ZNF804A: variants seen among roughly 807,000 people sequenced by gnomAD.
ZNF804A encodes zinc finger protein 804A.
ZNF804A carries 2 observed loss-of-function variants against 16.5 expected under a neutral mutation model. The ratio of observed to expected loss-of-function variants is 0.12; its 90% CI spans 0.05 to 0.38. The LOEUF is 0.38. Among genes scored for constraint, ZNF804A ranks in the 10% least tolerant of loss-of-function variants. The probability of loss-of-function intolerance (pLI) is 0.99; values close to 1 mark genes in which losing one functional copy is unlikely to be tolerated. For missense variants in ZNF804A, 1,473 were observed against 1,390.7 expected (o/e 1.06, Z -0.94); for synonymous variants, 534 against 489.6 (o/e 1.09, Z -1.20).
At chr2:184,931,074 G>A (rs979318479) in intron 2 of ZNF804A, among the ~76,000 whole-genome samples, 4 of 152,184 alleles carry the variant, frequency 2.6e-5, no homozygotes, top group Non-Finnish European at 4.4e-5. Flanking sequence ...TGGATCTCAT[G>A]AGACTTGTTC....
Position 184,703,487 on chromosome 2 carries a change from G to A in ZNF804A, c.111+104417G>A, listed in dbSNP as rs557199377. Reference sequence around the variant, plus strand: ...GGAGGCCGAGGCGGGCAGATCATGAGATCAGGAGATCGAGACCACGGTGAA... The same window carrying A: ...GGAGGCCGAGGCGGGCAGATCATGAAATCAGGAGATCGAGACCACGGTGAA... On this transcript the variant is annotated intron_variant, in intron 1 of 3. Coordinates refer to ENST00000302277, the MANE Select transcript of ZNF804A (RefSeq NM_194250.2). 2.6e-5 allele frequency among the ~76,000 whole-genome samples: 4 copies of A among 152,026 alleles called. No homozygotes were observed. The South Asian group carries it at 6.2e-4, about 24-fold the overall frequency.
At chr2:184,711,407 T>A (rs1196930650) in intron 1 of ZNF804A, among the ~76,000 whole-genome samples, 1 of 151,740 alleles carries the variant, frequency 6.6e-6, no homozygotes, top group Non-Finnish European at 1.5e-5. Flanking sequence ...TAGATATTGA[T>A]CCTTTTTCAG....
rs1181830071 is a variant in ZNF804A at position 184,767,776 on chromosome 2, A to C, written c.112-98593A>C. 2.6e-5 allele frequency among the ~76,000 whole-genome samples: 4 copies of C among 152,248 alleles called. No homozygotes were observed. The East Asian group carries it at 7.7e-4, about 29-fold the overall frequency. ...GGTAAAAATGTAAGGAATTACAAGG[A>C]GTCTACCTTCTTAAAAAGTTCAAAG... On this transcript the variant is annotated intron_variant, in intron 1 of 3. Transcript: ENST00000302277.
At chr2:184,816,951 G>A (rs1195698802) in intron 1 of ZNF804A, among the ~76,000 whole-genome samples, 2 of 151,956 alleles carry the variant, frequency 1.3e-5, no homozygotes, top group Non-Finnish European at 2.9e-5. Flanking sequence ...GATTAAGGGT[G>A]TTGAAATATA....
chr2:184,905,359 G>T (rs1318244598), intron 2 of ZNF804A, among the ~76,000 whole-genome samples: 1 of 151,656 alleles, frequency 6.6e-6, no homozygotes, highest in East Asian at 1.9e-4. Context: ...TTTTACAGTG[G>T]TCCTTCCTGA....
chr2:184,663,872 CA>C (rs1391822630), intron 1 of ZNF804A, among the ~76,000 whole-genome samples: 1 of 152,120 alleles, frequency 6.6e-6, no homozygotes, highest in African/African-American at 2.4e-5. Flanking sequence ...TCCTTCATAG[CA>C]CAAAGCTTAA....
chr2:184,776,295 A>G (rs1229604204), intron 1 of ZNF804A, among the ~76,000 whole-genome samples: 1 of 151,580 alleles, frequency 6.6e-6, no homozygotes, highest in Admixed American at 6.6e-5. Context: ...GCATTGAAAA[A>G]AATGCTGGAA....
rs138397124 is a variant in ZNF804A at position 184,902,296 on chromosome 2, T to C, written c.256-31307T>C. The C allele has an allele frequency of 2.1e-3, 335 of 156,960 alleles. 1 individual carries two copies. Among genetic ancestry groups the C allele is most frequent in the Non-Finnish European group, 3.7e-3 (265 of 71,010 alleles). The allele number at this position is 156,960 out of a possible 1,614,324, so 9.7% of individuals were successfully genotyped here. On this transcript the variant is annotated intron_variant, in intron 2 of 3. Coordinates refer to ENST00000302277, the MANE Select transcript of ZNF804A (RefSeq NM_194250.2). ...ACATCCTCAATGAGCACAACTGTGTTGTTAGCTTCGCTCTTCATGGCAGAA... is the reference window on the plus strand; with the variant it reads ...ACATCCTCAATGAGCACAACTGTGTCGTTAGCTTCGCTCTTCATGGCAGAA...
chr2:184,866,720 T>C (rs1328899743), intron 2 of ZNF804A, among the ~76,000 whole-genome samples: 1 of 151,242 alleles, frequency 6.6e-6, no homozygotes, highest in African/African-American at 2.4e-5. Flanking sequence ...TAGCAAAGTC[T>C]GAAATAATCA....
intron 1 of ZNF804A, among the ~76,000 whole-genome samples, chr2:184,676,367 A>G (rs2105715885): frequency 6.6e-6 from 1 of 151,716 alleles, no homozygotes; most frequent in East Asian, 1.9e-4. Context: ...CATTAATCAC[A>G]CACACTCACA....
In ZNF804A at chr2:184,936,783, G is replaced by C; in HGVS notation, c.1387G>C (p.Asp463His). 6.2e-7 allele frequency: 1 copy of C among 1,613,636 alleles called. No individual in the cohort carries two copies. Among genetic ancestry groups the C allele is most frequent in the Non-Finnish European group, 8.5e-7 (1 of 1,179,844 alleles). ...ISYSCNPLCF[D>H]FKSTKVNNNL... ...CTATAGCTGTAATCCTCTATGTTTT[G>C]ACTTCAAGTCTACTAAAGTAAATAA... Residue 463 changes from aspartate (D) to histidine (H), a missense_variant, in exon 4 of 4, where the codon GAC (aspartate) becomes CAC (histidine). By Grantham distance (81) the Asp-to-His change is moderately conservative. Coordinates refer to ENST00000302277, the MANE Select transcript of ZNF804A (RefSeq NM_194250.2).
chr2:184,746,955 T>C (rs2105755948), intron 1 of ZNF804A, among the ~76,000 whole-genome samples: 1 of 151,534 alleles, frequency 6.6e-6, no homozygotes, highest in Middle Eastern at 3.4e-3. Context: ...TTTCAGTTCA[T>C]TTCAGACAAT....
chr2:184,879,545 C>G (rs1306124011), intron 2 of ZNF804A, among the ~76,000 whole-genome samples: 1 of 151,848 alleles, frequency 6.6e-6, no homozygotes, highest in Non-Finnish European at 1.5e-5. Context: ...CTTCAGCAAA[C>G]AAGTATGCAA....
chr2:184,616,163 G>A (rs1267895037), intron 1 of ZNF804A, among the ~76,000 whole-genome samples: 1 of 151,964 alleles, frequency 6.6e-6, no homozygotes, highest in Non-Finnish European at 1.5e-5. Context: ...TATTTTCTGG[G>A]TTTTCCAGAG....
At chr2:184,738,593 A>G (rs558515859) in intron 1 of ZNF804A, among the ~76,000 whole-genome samples, 3 of 152,334 alleles carry the variant, frequency 2.0e-5, no homozygotes, top group East Asian at 3.9e-4. Context: ...TAGTCCCATT[A>G]TATTCCATTT....
chr2:184,664,769 T>C (rs1232265858), intron 1 of ZNF804A, among the ~76,000 whole-genome samples: 1 of 152,202 alleles, frequency 6.6e-6, no homozygotes, highest in Admixed American at 6.5e-5. Context: ...AGGCTTGTTA[T>C]GGCAGTGGCT....
intron 1 of ZNF804A, among the ~76,000 whole-genome samples, chr2:184,605,513 A>G (rs1194953965): frequency 2.0e-5 from 3 of 152,160 alleles, no homozygotes; most frequent in African/African-American, 7.2e-5. Flanking sequence ...AATACTCAAA[A>G]AAGAAAAAAA....
At chr2:184,705,059 T>G (rs1013299479) in intron 1 of ZNF804A, among the ~76,000 whole-genome samples, 2 of 152,176 alleles carry the variant, frequency 1.3e-5, no homozygotes, top group Non-Finnish European at 2.9e-5. Flanking sequence ...AATGAGGCAG[T>G]GTTAGATTGC....
At chr2:184,739,160 T>G (rs551993042) in intron 1 of ZNF804A, among the ~76,000 whole-genome samples, 1 of 152,308 alleles carries the variant, frequency 6.6e-6, no homozygotes, top group Admixed American at 6.5e-5. Context: ...AATTGAAAGT[T>G]TTATATTAAT....
Sources: allele counts gnomAD v4.1 joint callset (sites outside exome capture counted in the v4.1 genomes callset), GRCh38; gene constraint gnomAD v4.1.1; transcripts MANE v1.5; gene names NCBI Gene and HGNC (gene_info 2026-07-23, HGNC 2026-07-21).